The following ALDH18A1 variants were observed in gnomAD, a reference collection of about 807,000 sequenced individuals.
ALDH18A1 encodes the protein aldehyde dehydrogenase 18 family member A1.
Under a neutral mutation model 88.8 loss-of-function variants are expected in ALDH18A1, and 44 were observed. The ratio of observed to expected loss-of-function variants is 0.50; its 90% CI spans 0.39 to 0.64. The LOEUF (loss-of-function observed/expected upper bound fraction) is 0.64. Ranked by LOEUF, ALDH18A1 falls within the 30% of genes least tolerant of loss-of-function variation. The pLI is 0.00. For synonymous variants in ALDH18A1, 331 were observed against 372.1 expected (o/e 0.89, Z 1.27); for missense variants, 782 against 1,009.5 (o/e 0.77, Z 3.05).
intron 15 of ALDH18A1, among the ~76,000 whole-genome samples, chr10:95,613,347 G>A (rs1030258671): frequency 6.6e-6 from 1 of 152,246 alleles, no homozygotes; most frequent in African/African-American, 2.4e-5. Context: ...GGGGGAGGCA[G>A]TGAATGTACA....
rs781126562 is a variant in ALDH18A1, at chr10:95,606,874, G to A, written c.2276C>T (p.Thr759Ile). The stretch of plus-strand genomic sequence containing the variant: ...CTTCCCTCGCAGCAGCCACTTAGTA[G>A]TAAGCAGTCCCTCAAGTCCTACTGG... The part of the protein sequence containing the change: ...RGPVGLEGLL[T>I]TKWLLRGKDH... Residue 759 changes from threonine to isoleucine, a missense_variant, in exon 18 of 18, where the codon ACT (threonine) becomes ATT (isoleucine). This residue lies in a region of ALDH18A1 where 556 missense variants were observed against 654.5 expected (regional missense o/e 0.85). Coordinates refer to ENST00000371224, the MANE Select transcript of ALDH18A1 (RefSeq NM_002860.4). The A allele has an allele frequency of 2.4e-5, 38 of 1,614,044 alleles. No individual in the cohort carries two copies. Among genetic ancestry groups the A allele is most frequent in the Non-Finnish European group, 3.1e-5 (37 of 1,180,030 alleles).
intron 11 of ALDH18A1, among the ~76,000 whole-genome samples, chr10:95,623,461 G>A (rs117403919): frequency 0.034 from 5,113 of 151,908 alleles, 117 homozygotes; most frequent in Non-Finnish European, 0.049. Flanking sequence ...AGGCTGGAGT[G>A]CAGTAGCGCA....
intron 8 of ALDH18A1, 121 bp downstream of exon 8, chr10:95,628,247 T>G: frequency 7.3e-7 from 1 of 1,374,980 alleles, no homozygotes; most frequent in Non-Finnish European, 1.0e-6. Flanking sequence ...ATGTACATAT[T>G]TAAGTGTGTA....
At position 95,628,414 on chromosome 10, in the gene ALDH18A1, G is replaced by A. The variant is rs768985400; in HGVS notation, c.887C>T (p.Thr296Ile). The A allele has an allele frequency of 1.9e-6, 3 of 1,614,114 alleles. No individual in the cohort carries two copies. The highest frequency in any genetic ancestry group is 1.6e-4 in the Middle Eastern group (1 of 6,062). ...IFYPGDQQSV[T>I]FGTKSRVGMG... is the part of the protein sequence containing the mutation. ...TCCCACTCTAGACTTGGTTCCAAATGTCACAGACTGCTGATCTCCGGGATA... is the reference window on the plus strand; with the variant it reads ...TCCCACTCTAGACTTGGTTCCAAATATCACAGACTGCTGATCTCCGGGATA... The change falls in exon 8 of 18, where the codon ACA (threonine) becomes ATA (isoleucine). Residue 296 changes from threonine (T) to isoleucine (I), a missense_variant. Thr to Ile is a moderately conservative substitution (Grantham distance 89, BLOSUM62 -1). Around this residue, in one of 3 missense-constraint regions of ALDH18A1, gnomAD observed 556 missense variants for 654.5 expected, o/e 0.85. Transcript: ENST00000371224.
At chr10:95,619,141 A>G (rs1243897818) in intron 12 of ALDH18A1, among the ~76,000 whole-genome samples, 1 of 152,206 alleles carries the variant, frequency 6.6e-6, no homozygotes, top group Non-Finnish European at 1.5e-5. Context: ...ATTCCTATAC[A>G]TCAGTAACAG....
At chr10:95,636,612 G>T (rs746690337) in intron 5 of ALDH18A1, among the ~76,000 whole-genome samples, 4 of 152,172 alleles carry the variant, frequency 2.6e-5, no homozygotes, top group Non-Finnish European at 4.4e-5. Context: ...TTTGCTGAAT[G>T]AGTGAAAAAC....
chr10:95,655,061 A>G (rs1460007577), intron 1 of ALDH18A1, among the ~76,000 whole-genome samples: 1 of 152,066 alleles, frequency 6.6e-6, no homozygotes, highest in Non-Finnish European at 1.5e-5. Context: ...AGGCCTTTGA[A>G]GTTGGTCAGA....
chr10:95,654,426 A>T (rs2097914838), intron 1 of ALDH18A1, among the ~76,000 whole-genome samples: 2 of 151,986 alleles, frequency 1.3e-5, no homozygotes, highest in African/African-American at 4.8e-5. Flanking sequence ...GCCTCCCAAT[A>T]TTGTAGCTCT....
At chr10:95,622,754 G>C (rs1011584367) in intron 11 of ALDH18A1, among the ~76,000 whole-genome samples, 6 of 151,564 alleles carry the variant, frequency 4.0e-5, no homozygotes, top group African/African-American at 9.7e-5. Context: ...AGCCAGGATG[G>C]TCTCCATCTC....
At chr10:95,646,465 C>T (rs2097901554) in intron 2 of ALDH18A1, among the ~76,000 whole-genome samples, 1 of 152,074 alleles carries the variant, frequency 6.6e-6, no homozygotes, top group African/African-American at 2.4e-5. Flanking sequence ...CCACTAACAA[C>T]AAGGTTTCAT....
intron 13 of ALDH18A1, among the ~76,000 whole-genome samples, chr10:95,615,958 GCA>G (rs897559920): frequency 1.1e-4 from 16 of 152,132 alleles, no homozygotes; most frequent in Admixed American, 9.8e-4. Flanking sequence ...AATGAGCCTT[GCA>G]CATAGTAGGT....
rs1325002245 is a variant in ALDH18A1 at position 95,621,401 on chromosome 10, C to G, written c.1247-150G>C. On this transcript the variant is annotated intron_variant, in intron 11 of 17. Transcript: ENST00000371224. ...GTGGCATGATCTAGGCCCAATGCAA[C>G]CTCTGCCTCCTGGGTTCAAGCGATT... The G allele has an allele frequency of 9.9e-6, 7 of 709,356 alleles. No individual in the cohort carries two copies. The South Asian group carries it at 1.2e-4, about 12-fold the overall frequency. The allele number at this position is 709,356 out of a possible 1,614,324, so 43.9% of individuals were successfully genotyped here. A position where few individuals can be genotyped will look rare whatever the true frequency, so the allele number is the denominator to read the frequency against.
chr10:95,623,615 G>C (rs1466522031), intron 11 of ALDH18A1, among the ~76,000 whole-genome samples: 1 of 151,988 alleles, frequency 6.6e-6, no homozygotes. Flanking sequence ...GTCCAGACTG[G>C]AGTGCAGTGG....
In ALDH18A1 at chr10:95,653,327, A is replaced by C; in HGVS notation, c.51T>G (p.Leu17=). Residue 17 remains leucine, a synonymous_variant, in exon 2 of 18, where the codon CTT becomes CTG. Coordinates refer to ENST00000371224, the MANE Select transcript of ALDH18A1 (RefSeq NM_002860.4). Reference sequence around the variant, plus strand: ...CGGTTGTACACTTGACCCAGGGCAGAAGATGTTGGTTGAAGGGCTGGAACC... The same window carrying C: ...CGGTTGTACACTTGACCCAGGGCAGCAGATGTTGGTTGAAGGGCTGGAACC... ...RCGFQPFNQH[L]LPWVKCTTVF... The C allele has an allele frequency of 6.2e-7, 1 of 1,613,136 alleles. No homozygotes were observed. Among genetic ancestry groups the C allele is most frequent in the Non-Finnish European group, 8.5e-7 (1 of 1,179,894 alleles).
chr10:95,632,874 C>T (rs1439711854), intron 7 of ALDH18A1, 85 bp downstream of exon 7: 1 of 1,204,494 alleles, frequency 8.3e-7, no homozygotes, highest in African/African-American at 1.5e-5. Context: ...ATCAGAGGGA[C>T]TCAAAGAAAG....
At chr10:95,647,999 T>C (rs916601378) in intron 2 of ALDH18A1, among the ~76,000 whole-genome samples, 1 of 152,218 alleles carries the variant, frequency 6.6e-6, no homozygotes, top group Admixed American at 6.5e-5. Context: ...TAAATCTAAG[T>C]GTTTCCCTGA....
rs1244758916 is a variant in ALDH18A1, at chr10:95,614,003, C to T, written c.1764G>A (p.Val588=). The change falls in exon 14 of 18, where the codon GTG becomes GTA. Residue 588 remains valine, a synonymous_variant. Coordinates refer to ENST00000371224, the MANE Select transcript of ALDH18A1 (RefSeq NM_002860.4). ...CCTTATCAACACTGGCCTCGGAATC[C>T]ACATACATGTGACAGATCCCTTCGC... ...GHSEGICHMY[V]DSEASVDKVT... is the part of the protein sequence containing the mutation. The T allele has an allele frequency of 1.2e-6, 2 of 1,614,076 alleles. No individual in the cohort carries two copies. Among genetic ancestry groups the T allele is most frequent in the African/African-American group, 2.7e-5 (2 of 74,926 alleles).
At chr10:95,634,615 CTT>C (rs1249202000) in intron 5 of ALDH18A1, among the ~76,000 whole-genome samples, 1 of 152,094 alleles carries the variant, frequency 6.6e-6, no homozygotes, top group African/African-American at 2.4e-5. Context: ...GGAAGTTAGT[CTT>C]TGGTCACAAG....
chr10:95,606,117 A>T lies in ALDH18A1; in HGVS notation c.*645T>A. ...CAGTGGGGAACATCCTGAAACTTGC[A>T]TCTCCTGCTGCAGCTTGGGTTCCAG... On this transcript the variant is annotated 3_prime_UTR_variant, in exon 18 of 18. Coordinates refer to ENST00000371224, the MANE Select transcript of ALDH18A1 (RefSeq NM_002860.4). The T allele has an allele frequency of 5.3e-6, 2 of 380,552 alleles. No homozygotes were observed. Among genetic ancestry groups the T allele is most frequent in the Non-Finnish European group, 7.2e-6 (2 of 276,598 alleles). 23.6% of individuals were successfully genotyped at this position (380,552 alleles called of 1,614,324 possible). A position where few individuals can be genotyped will look rare whatever the true frequency, so the allele number is the denominator to read the frequency against.
Sources: allele counts gnomAD v4.1 joint callset (sites outside exome capture counted in the v4.1 genomes callset), GRCh38; gene constraint gnomAD v4.1.1; regional missense constraint gnomAD v4.1.1; transcripts MANE v1.5; gene names NCBI Gene and HGNC (gene_info 2026-07-23, HGNC 2026-07-21).